The following MRPL21 variants were observed in gnomAD, a reference collection of about 807,000 sequenced individuals.
MRPL21 encodes large ribosomal subunit protein bL21m.
In MRPL21, 20 loss-of-function variants were observed where a neutral mutation model predicts 27.3. That is an observed-to-expected ratio of 0.73 (90% confidence interval 0.52 to 1.06). MRPL21 has a LOEUF of 1.06. Among genes scored for constraint, MRPL21 ranks in the 50% least tolerant of loss-of-function variants. The pLI, the probability that MRPL21 is intolerant of heterozygous loss-of-function variation, is 0.00. For synonymous variants in MRPL21, 98 were observed against 101.5 expected (o/e 0.97, Z 0.21); for missense variants, 249 against 251.4 (o/e 0.99, Z 0.06).
At chr11:68,902,191 C>T (rs1426251908) in intron 1 of MRPL21, among the ~76,000 whole-genome samples, 1 of 152,214 alleles carries the variant, frequency 6.6e-6, no homozygotes, top group Non-Finnish European at 1.5e-5. Flanking sequence ...TGTCTCTACT[C>T]GCTTCACTGT....
In MRPL21 at chr11:68,891,368, C is replaced by T. The variant is rs201987235; in HGVS notation, c.581G>A (p.Arg194Gln). 1.5e-5 allele frequency: 24 copies of T among 1,613,936 alleles called. No individual in the cohort carries two copies. The highest frequency in any genetic ancestry group is 6.7e-5 in the African/African-American group (5 of 74,912). The part of the protein sequence containing the change: ...RIVTTPQTVL[R>Q]INSIEIAPCL... Reference sequence around the variant, plus strand: ...CGGAGCAATCTCAATGCTGTTTATCCGGAGGACAGTCTGCGGGGTCGTGAC... The same window carrying T: ...CGGAGCAATCTCAATGCTGTTTATCTGGAGGACAGTCTGCGGGGTCGTGAC... Residue 194 changes from arginine (R) to glutamine (Q), a missense_variant, in exon 7 of 7, where the codon CGG becomes CAG. By Grantham distance (43) the Arg-to-Gln change is conservative. Transcript: ENST00000362034.
At chr11:68,895,704 T>C (rs560123953) in intron 4 of MRPL21, among the ~76,000 whole-genome samples, 1 of 152,292 alleles carries the variant, frequency 6.6e-6, no homozygotes, top group African/African-American at 2.4e-5. Flanking sequence ...AGGGTCTCGC[T>C]GTGTTGCCCA....
chr11:68,900,702 T>TACCATGTACCA, intron 1 of MRPL21, 97 bp from the exon 2 acceptor site: 8 of 1,102,968 alleles, frequency 7.3e-6, no homozygotes, highest in Non-Finnish European at 1.1e-5. Context: ...TCCTGGTACA[T>TACCATGTACCA]GGTATGAACC....
intron 3 of MRPL21, chr11:68,897,685 C>T: frequency 1.8e-6 from 1 of 558,024 alleles, no homozygotes; most frequent in Non-Finnish European, 3.2e-6. Flanking sequence ...GAGCAGGGGC[C>T]CCCTGCCCTC....
chr11:68,903,699 T>C (rs1858038115), intron 1 of MRPL21, 24 bp downstream of exon 1: 1 of 1,611,798 alleles, frequency 6.2e-7, no homozygotes, highest in African/African-American at 1.3e-5. Flanking sequence ...GCGTCCTCCC[T>C]TCCTCCCATA....
At chr11:68,900,643 T>C (rs1456069348) in intron 1 of MRPL21, 38 bp from the exon 2 acceptor site, 1 of 1,563,232 alleles carries the variant, frequency 6.4e-7, no homozygotes. Flanking sequence ...TTACCATTAA[T>C]ACTACAAATG....
rs553731402 is a variant in MRPL21 at position 68,899,273 on chromosome 11, T to G, written c.147-1261A>C. The stretch of plus-strand genomic sequence containing the variant: ...GAATTATTCAGAACCGTTTTTAAGC[T>G]TTTATTGCTGCTGCCACTGCAAAGT... On this transcript the variant is annotated intron_variant, in intron 2 of 6. Coordinates refer to ENST00000362034, the MANE Select transcript of MRPL21 (RefSeq NM_181514.2). Among the ~76,000 whole-genome samples the G allele has an allele frequency of 2.6e-5, 4 of 152,330 alleles. No individual in the cohort carries two copies. The South Asian group carries it at 8.3e-4, about 32-fold the overall frequency.
At chr11:68,894,533 C>T (rs757469017) in intron 4 of MRPL21, among the ~76,000 whole-genome samples, 1 of 152,162 alleles carries the variant, frequency 6.6e-6, no homozygotes, top group Non-Finnish European at 1.5e-5. Flanking sequence ...CTGCCCGCCT[C>T]GGCTTCCCAA....
At chr11:68,898,270 G>A (rs971133979) in intron 2 of MRPL21, among the ~76,000 whole-genome samples, 8 of 152,198 alleles carry the variant, frequency 5.3e-5, no homozygotes, top group Non-Finnish European at 1.0e-4. Context: ...CCTCACTTGG[G>A]TACTTCTCAG....
At chr11:68,894,066 T>G (rs115871606) in intron 4 of MRPL21, among the ~76,000 whole-genome samples, 2,300 of 151,988 alleles carry the variant, frequency 0.015, 53 homozygotes, top group African/African-American at 0.053. Context: ...ACCCTTTCTA[T>G]CAAAGCATAA....
At chr11:68,898,399 C>G (rs764648791) in intron 2 of MRPL21, among the ~76,000 whole-genome samples, 1 of 152,226 alleles carries the variant, frequency 6.6e-6, no homozygotes, top group Non-Finnish European at 1.5e-5. Flanking sequence ...CAGCAGCTCT[C>G]CCGCCTCCCT....
chr11:68,892,163 A>C (rs1420770521), intron 6 of MRPL21: 1 of 882,092 alleles, frequency 1.1e-6, no homozygotes, highest in Non-Finnish European at 1.3e-6. Flanking sequence ...AGGTGGGTTC[A>C]CGCGCGGAGG....
chr11:68,891,655 A>G (rs1178481193), intron 6 of MRPL21: 2 of 574,500 alleles, frequency 3.5e-6, no homozygotes, highest in Non-Finnish European at 6.3e-6. Flanking sequence ...CTCCTCCCAC[A>G]CTGTCTATGC....
chr11:68,896,731 G>A (rs1857801480), intron 3 of MRPL21, 53 bp from the exon 4 acceptor site: 6 of 1,604,542 alleles, frequency 3.7e-6, no homozygotes, highest in South Asian at 1.1e-5. Context: ...TCCCCCACGC[G>A]CTGCAGTGTG....
Position 68,899,946 on chromosome 11 carries a change from G to A in MRPL21, c.146+602C>T, listed in dbSNP as rs147760454. 2.3e-3 allele frequency among the ~76,000 whole-genome samples: 352 copies of A among 152,262 alleles called. 1 individual carries two copies. The highest frequency in any genetic ancestry group is 7.4e-3 in the African/African-American group (306 of 41,552). On this transcript the variant is annotated intron_variant, in intron 2 of 6. Coordinates refer to ENST00000362034, the MANE Select transcript of MRPL21 (RefSeq NM_181514.2). ...TGAACATTACTTCCATCTTGCAGAA[G>A]CCTGGCGTCCCAGGCTGTGAGGGGC... is the stretch of plus-strand genomic sequence containing the variant.
Position 68,892,872 on chromosome 11 carries a change from G to C in MRPL21, c.553+18C>G, listed in dbSNP as rs1475480012. The C allele has an allele frequency of 6.2e-7, 1 of 1,606,260 alleles. No homozygotes were observed. The highest frequency in any genetic ancestry group is 1.7e-5 in the Admixed American group (1 of 59,106). On this transcript the variant is annotated intron_variant, in intron 6 of 6. Transcript: ENST00000362034. ...CAGCACCGTGCAACAGGGCCCAGCG[G>C]TACTTTCTCTAACTTACTTCTTTTC...
chr11:68,894,477 G>A (rs1857736391), intron 4 of MRPL21, among the ~76,000 whole-genome samples: 1 of 152,138 alleles, frequency 6.6e-6, no homozygotes, highest in Non-Finnish European at 1.5e-5. Flanking sequence ...TAGAGATGGG[G>A]TTTCACCATG....
chr11:68,891,954 C>A, intron 6 of MRPL21: 1 of 693,792 alleles, frequency 1.4e-6, no homozygotes, highest in Non-Finnish European at 2.1e-6. Flanking sequence ...GTCCTCAGTG[C>A]AGACCTGCTA....
chr11:68,898,980 G>A (rs1047219678), intron 2 of MRPL21, among the ~76,000 whole-genome samples: 4 of 152,184 alleles, frequency 2.6e-5, no homozygotes, highest in Admixed American at 1.3e-4. Flanking sequence ...TAGAGATGGG[G>A]TTTCGCCACA....
Sources: allele counts gnomAD v4.1 joint callset (sites outside exome capture counted in the v4.1 genomes callset), GRCh38; gene constraint gnomAD v4.1.1; transcripts MANE v1.5; gene names NCBI Gene and HGNC (gene_info 2026-07-23, HGNC 2026-07-21).